The following SNX29 variants were observed in gnomAD, a reference collection of about 807,000 sequenced individuals.
SNX29 encodes the protein sorting nexin-29.
Under a neutral mutation model 102.1 loss-of-function variants are expected in SNX29, and 78 were observed. The observed-to-expected ratio is 0.76, with a 90% CI of 0.64 to 0.92. The LOEUF (loss-of-function observed/expected upper bound fraction) is 0.92. Among genes scored for constraint, SNX29 ranks in the 40% least tolerant of loss-of-function variants. The pLI, the probability that SNX29 is intolerant of heterozygous loss-of-function variation, is 0.00. For synonymous variants in SNX29, 580 were observed against 414.5 expected, an observed-to-expected ratio of 1.40 and a Z score of -4.85; for missense variants, 1,280 against 1,061.7, an observed-to-expected ratio of 1.21 and a Z score of -2.86.
chr16:12,108,560 C>G (rs2053363982), intron 11 of SNX29, among the ~76,000 whole-genome samples: 1 of 152,156 alleles, frequency 6.6e-6, no homozygotes, highest in Non-Finnish European at 1.5e-5. Context: ...ACTACTATAT[C>G]TGGGCAGTGT....
intron 4 of SNX29, among the ~76,000 whole-genome samples, chr16:12,041,501 A>T (rs2049878466): frequency 6.6e-6 from 1 of 152,184 alleles, no homozygotes. Flanking sequence ...ACAGTTCTGG[A>T]GGTCAGAAGT....
chr16:12,256,981 T>A (rs530922780), intron 14 of SNX29, among the ~76,000 whole-genome samples: 12 of 152,340 alleles, frequency 7.9e-5, no homozygotes, highest in Admixed American at 7.2e-4. Context: ...TGATAACAAA[T>A]TATCTTACAG....
intron 18 of SNX29, among the ~76,000 whole-genome samples, chr16:12,434,414 T>C (rs2085442825): frequency 6.6e-6 from 1 of 152,038 alleles, no homozygotes; most frequent in Non-Finnish European, 1.5e-5. Flanking sequence ...GCAGGGTGTT[T>C]GGTGGGGTGG....
At chr16:12,277,890 G>C (rs376365556) in intron 14 of SNX29, 43 bp from the exon 15 acceptor site, 1 of 1,519,518 alleles carries the variant, frequency 6.6e-7, no homozygotes, top group Non-Finnish European at 9.0e-7. Context: ...AATAATTTTC[G>C]ATACTGTTGA....
At chr16:12,277,696 T>C (rs924458521) in intron 14 of SNX29, among the ~76,000 whole-genome samples, 2 of 152,182 alleles carry the variant, frequency 1.3e-5, no homozygotes, top group Non-Finnish European at 2.9e-5. Flanking sequence ...CAACTCAGCC[T>C]CCTGAGCAGC....
At chr16:12,132,160 A>G (rs1567235334) in intron 13 of SNX29, among the ~76,000 whole-genome samples, 1 of 149,930 alleles carries the variant, frequency 6.7e-6, no homozygotes, top group Non-Finnish European at 1.5e-5. Context: ...GTGCAGTGGC[A>G]TGATCTCGGC....
At chr16:12,356,099 AG>A in intron 15 of SNX29, 63 bp from the exon 16 acceptor site, 1 of 1,470,102 alleles carries the variant, frequency 6.8e-7, no homozygotes. Context: ...AGTCCAGAGA[AG>A]GCGGGATTGG....
At chr16:12,238,866 C>T (rs1175552608) in intron 14 of SNX29, among the ~76,000 whole-genome samples, 4 of 152,206 alleles carry the variant, frequency 2.6e-5, no homozygotes, top group East Asian at 1.9e-4. Flanking sequence ...TCTTTCTGCT[C>T]TACCATCCTT....
chr16:12,171,452 T>A (rs1233577962), intron 13 of SNX29, among the ~76,000 whole-genome samples: 2 of 152,204 alleles, frequency 1.3e-5, no homozygotes, highest in Non-Finnish European at 2.9e-5. Context: ...AGCAGAAGAT[T>A]CTCACGTTTT....
intron 3 of SNX29, among the ~76,000 whole-genome samples, chr16:12,013,510 T>A (rs1276493788): frequency 0.12 from 4,851 of 39,972 alleles, 668 homozygotes; most frequent in Non-Finnish European, 0.15. Context: ...AATATATATA[T>A]ATATATATAT....
chr16:12,477,692 G>A, intron 18 of SNX29, 27 bp from the exon 19 acceptor site: 2 of 1,602,952 alleles, frequency 1.2e-6, no homozygotes, highest in Non-Finnish European at 1.7e-6. Context: ...GGTTTAAGAG[G>A]AATTCACATT....
chr16:12,160,781 A>G (rs1377741399), intron 13 of SNX29, among the ~76,000 whole-genome samples: 1 of 152,236 alleles, frequency 6.6e-6, no homozygotes, highest in Non-Finnish European at 1.5e-5. Context: ...AACAGCTACT[A>G]CTGAGCACTT....
Position 12,572,551 on chromosome 16 carries a change from G to T in SNX29, c.*3922G>T. 9.4e-7 allele frequency: 1 copy of T among 1,063,610 alleles called. No individual in the cohort carries two copies. The highest frequency in any genetic ancestry group is 1.1e-6 in the Non-Finnish European group (1 of 878,176). The allele number at this position is 1,063,610 out of a possible 1,614,324, so 65.9% of individuals were successfully genotyped here. A position where few individuals can be genotyped will look rare whatever the true frequency, so the allele number is the denominator to read the frequency against. ...CCCACAGGGGGCTGCGACACCATCT[G>T]GCTCCTCACAGGGAGGTCCAGCCAT... On this transcript the variant is annotated 3_prime_UTR_variant, in exon 21 of 21. Transcript: ENST00000566228.
intron 18 of SNX29, among the ~76,000 whole-genome samples, chr16:12,430,743 A>T (rs1259636061): frequency 6.6e-6 from 1 of 152,184 alleles, no homozygotes; most frequent in Non-Finnish European, 1.5e-5. Context: ...CCATGCTGGA[A>T]GCGGGCTGTA....
Position 12,535,746 on chromosome 16 carries a change from C to G in SNX29, c.2318+10905C>G, listed in dbSNP as rs140795732. Among the ~76,000 whole-genome samples the G allele has an allele frequency of 3.7e-3, 568 of 152,258 alleles. 4 individuals carry two copies. Among genetic ancestry groups the G allele is most frequent in the Middle Eastern group, 0.017 (5 of 294 alleles). On this transcript the variant is annotated intron_variant, in intron 20 of 20. Transcript: ENST00000566228. The stretch of plus-strand genomic sequence containing the variant: ...CAAAGCCAGGCTTGGTCACGCTCGT[C>G]TTCCACCACTGTGTGTCTCCTCTGG...
chr16:12,519,215 G>A (rs1286095735), intron 19 of SNX29, among the ~76,000 whole-genome samples: 1 of 152,148 alleles, frequency 6.6e-6, no homozygotes, highest in Non-Finnish European at 1.5e-5. Flanking sequence ...ACATACCTGT[G>A]GGTCACAGTT....
chr16:12,122,904 G>C (rs1333819236), intron 11 of SNX29, among the ~76,000 whole-genome samples: 1 of 152,060 alleles, frequency 6.6e-6, no homozygotes, highest in African/African-American at 2.4e-5. Flanking sequence ...TCGGCTCACT[G>C]CAATCTCTGC....
intron 2 of SNX29, among the ~76,000 whole-genome samples, chr16:12,002,224 G>A (rs1358300835): frequency 6.6e-6 from 1 of 152,008 alleles, no homozygotes; most frequent in Non-Finnish European, 1.5e-5. Flanking sequence ...AAGGCGGTCG[G>A]ATCACCTGAG....
chr16:12,313,528 G>A (rs531820467), intron 15 of SNX29, among the ~76,000 whole-genome samples: 2 of 152,308 alleles, frequency 1.3e-5, no homozygotes, highest in Admixed American at 6.5e-5. Context: ...TCCATGACCT[G>A]CCAGTATGAA....
Sources: gnomAD v4.1 joint callset for allele counts (sites outside exome capture counted in the v4.1 genomes callset) on GRCh38, gnomAD v4.1.1 for gene constraint, MANE v1.5 for transcripts, NCBI Gene and HGNC (gene_info 2026-07-23, HGNC 2026-07-21) for gene names.